Variants in MICU3 observed in about 807,000 individuals in gnomAD.
MICU3 encodes calcium uptake protein 3, mitochondrial.
Under a neutral mutation model 66.5 loss-of-function variants are expected in MICU3, and 62 were observed. The ratio of observed to expected loss-of-function variants is 0.93; its 90% confidence interval spans 0.76 to 1.15. The LOEUF is 1.15. Among genes scored for constraint, MICU3 ranks in the 50% most tolerant of loss-of-function variants. The pLI is 0.00. For missense variants in MICU3, 779 were observed against 664.4 expected (o/e 1.17, Z -1.90); for synonymous variants, 308 against 240.7 (o/e 1.28, Z -2.59).
intron 1 of MICU3, among the ~76,000 whole-genome samples, chr8:17,030,647 C>G (rs1399677547): frequency 6.6e-6 from 1 of 152,224 alleles, no homozygotes; most frequent in Non-Finnish European, 1.5e-5. Context: ...CTTCTGGAAG[C>G]AGGCACAGGT....
At chr8:17,081,888 G>C (rs1821242036) in intron 5 of MICU3, 148 bp downstream of exon 5, 3 of 533,246 alleles carry the variant, frequency 5.6e-6, no homozygotes, top group South Asian at 5.5e-5. Flanking sequence ...AAAATGCTAA[G>C]CATAGCACTG....
chr8:17,070,649 T>A (rs946667737), intron 3 of MICU3, among the ~76,000 whole-genome samples: 3 of 150,266 alleles, frequency 2.0e-5, no homozygotes, highest in Admixed American at 6.7e-5. Context: ...TTTTTTTTTT[T>A]TAAAAAAAAG....
intron 1 of MICU3, among the ~76,000 whole-genome samples, chr8:17,029,031 T>G (rs540102113): frequency 6.6e-6 from 1 of 152,364 alleles, no homozygotes; most frequent in South Asian, 2.1e-4. Context: ...CACGACTTGC[T>G]ACTTGTGTCA....
chr8:17,032,578 C>T (rs888193444), intron 1 of MICU3, among the ~76,000 whole-genome samples: 2 of 152,136 alleles, frequency 1.3e-5, no homozygotes, highest in African/African-American at 4.8e-5. Context: ...TGCAAATAGT[C>T]ATACATTATT....
At chr8:17,137,340 AT>A in the MICU3 span, among the ~76,000 whole-genome samples, 4 of 151,538 alleles carry the variant, frequency 2.6e-5, no homozygotes, top group African/African-American at 9.7e-5. Flanking sequence ...CATCATACTA[AT>A]TTTTTTTCTC....
chr8:17,112,744 A>G (rs1435815347), intron 11 of MICU3, among the ~76,000 whole-genome samples: 3 of 152,202 alleles, frequency 2.0e-5, no homozygotes, highest in Admixed American at 2.0e-4. Flanking sequence ...TTATTTAAAA[A>G]TATTCCATCC....
chr8:17,084,456 C>T (rs776426200), intron 5 of MICU3, among the ~76,000 whole-genome samples: 2 of 140,864 alleles, frequency 1.4e-5, no homozygotes, highest in Non-Finnish European at 2.9e-5. Flanking sequence ...GCAAATGTAT[C>T]TGTGGGGGGT....
At chr8:17,090,406 G>A (rs887250945) in intron 7 of MICU3, 140 bp from the exon 8 acceptor site, 18 of 620,836 alleles carry the variant, frequency 2.9e-5, no homozygotes, top group East Asian at 2.8e-5. Flanking sequence ...TGTATTGTTC[G>A]TGTGCTCTAT....
Position 17,104,436 on chromosome 8 carries a change from G to T in MICU3, c.1030G>T (p.Val344Leu). 1 of 1,464,766 alleles carries T rather than the reference G, an allele frequency of 6.8e-7. No individual in the cohort carries two copies. The highest frequency in any genetic ancestry group is 9.2e-7 in the Non-Finnish European group (1 of 1,087,334). 90.7% of individuals were successfully genotyped at this position (1,464,766 alleles called of 1,614,324 possible). The change falls in exon 10 of 15, where the codon GTA becomes TTA. Residue 344 changes from valine to leucine, a missense_variant. Coordinates refer to ENST00000318063, the MANE Select transcript of MICU3 (RefSeq NM_181723.3). ...TSLVTDTTLL[V>L]HFFGKKGKAE... is the part of the protein sequence containing the mutation. The stretch of plus-strand genomic sequence containing the variant: ...TTTAGTAACAGATACTACACTTCTT[G>T]TACACTTTTTTGGAAAGAAAGGAAA...
At chr8:17,049,815 G>A (rs1815755355) in intron 1 of MICU3, among the ~76,000 whole-genome samples, 2 of 152,054 alleles carry the variant, frequency 1.3e-5, no homozygotes, top group African/African-American at 4.8e-5. Flanking sequence ...ATGTCTGCTT[G>A]CCTTTTAAAA....
rs1209031674 is a variant in MICU3, at chr8:17,118,786, T to C, written c.*11T>C. ...CTTCACAGCAGATAAGTATGTTAGC[T>C]TCTATTTGTCTAAATTTGTTCAGTA... On this transcript the variant is annotated intron_variant, in intron 14 of 14. Coordinates refer to ENST00000318063, the MANE Select transcript of MICU3 (RefSeq NM_181723.3). 6.3e-7 allele frequency: 1 copy of C among 1,581,458 alleles called. No individual in the cohort carries two copies. The highest frequency in any genetic ancestry group is 1.1e-5 in the South Asian group (1 of 89,636).
downstream of MICU3, among the ~76,000 whole-genome samples, chr8:17,125,782 C>A (rs893046592): frequency 5.9e-5 from 9 of 152,042 alleles, no homozygotes; most frequent in Non-Finnish European, 1.0e-4. Context: ...CCTGTAATCC[C>A]AGTACTTTGG....
intron 4 of MICU3, among the ~76,000 whole-genome samples, chr8:17,080,080 C>CTT (rs911128296): frequency 1.4e-5 from 2 of 146,254 alleles, no homozygotes; most frequent in African/African-American, 5.0e-5. Context: ...ATATGCCTAG[C>CTT]TTTTTTTTTT....
chr8:17,037,234 C>T (rs1813191309), intron 1 of MICU3, among the ~76,000 whole-genome samples: 1 of 152,214 alleles, frequency 6.6e-6, no homozygotes, highest in African/African-American at 2.4e-5. Context: ...GGAATGGGCT[C>T]CAGCCTTGGC....
At chr8:17,050,012 A>G (rs1815792254) in intron 1 of MICU3, among the ~76,000 whole-genome samples, 2 of 152,054 alleles carry the variant, frequency 1.3e-5, no homozygotes, top group Admixed American at 6.6e-5. Flanking sequence ...AAACTATTCC[A>G]TGGGTGTGCC....
chr8:17,036,138 G>A (rs1368808925), intron 1 of MICU3, among the ~76,000 whole-genome samples: 1 of 152,080 alleles, frequency 6.6e-6, no homozygotes, highest in Non-Finnish European at 1.5e-5. Context: ...TCTTCCTTCT[G>A]GTGGGTTCGT....
At chr8:17,117,371 G>C (rs1362629977) in intron 13 of MICU3, among the ~76,000 whole-genome samples, 1 of 151,986 alleles carries the variant, frequency 6.6e-6, no homozygotes, top group Non-Finnish European at 1.5e-5. Context: ...TGAAAAATAA[G>C]TTAAAAATTT....
chr8:17,059,464 A>G (rs1235537499), intron 1 of MICU3, among the ~76,000 whole-genome samples: 2 of 152,178 alleles, frequency 1.3e-5, no homozygotes, highest in Non-Finnish European at 2.9e-5. Context: ...AGAGTGCTTA[A>G]TATTACTGAT....
In MICU3 at chr8:17,027,262, G is replaced by T. The variant is rs773916489; in HGVS notation, c.-18G>T. 3 of 1,036,174 alleles carry T rather than the reference G, an allele frequency of 2.9e-6. No homozygotes were observed. Among genetic ancestry groups the T allele is most frequent in the Non-Finnish European group, 3.5e-6 (3 of 857,746 alleles). The allele number at this position is 1,036,174 out of a possible 1,614,324, so 64.2% of individuals were successfully genotyped here. On this transcript the variant is annotated 5_prime_UTR_variant, in exon 1 of 15. Coordinates refer to ENST00000318063, the MANE Select transcript of MICU3 (RefSeq NM_181723.3). ...CGTTCTCTGCCCCCTCCCAGCTCTGGTGTGGGCGGCCTCCGCTATGGCTGC... is the reference window on the plus strand; with the variant it reads ...CGTTCTCTGCCCCCTCCCAGCTCTGTTGTGGGCGGCCTCCGCTATGGCTGC...
Sources: gnomAD v4.1 joint callset for allele counts (sites outside exome capture counted in the v4.1 genomes callset) on GRCh38, gnomAD v4.1.1 for gene constraint, MANE v1.5 for transcripts, NCBI Gene and HGNC (gene_info 2026-07-23, HGNC 2026-07-21) for gene names.